Variants in NTN1 observed in about 807,000 individuals in gnomAD.
The protein encoded by NTN1 is netrin 1.
Under a neutral mutation model 54.2 loss-of-function variants are expected in NTN1, and 11 were observed. The ratio of observed to expected loss-of-function variants is 0.20; its 90% CI spans 0.13 to 0.34. The LOEUF (loss-of-function observed/expected upper bound fraction) is 0.34. Among genes scored for constraint, NTN1 ranks in the 10% least tolerant of loss-of-function variants. NTN1 has a pLI of 1.00. For missense variants in NTN1, 740 were observed against 893.1 expected, an observed-to-expected ratio of 0.83 and a Z score of 2.18; for synonymous variants, 371 against 382.0, an observed-to-expected ratio of 0.97 and a Z score of 0.33.
At chr17:9,019,302 C>G (rs2091838388), upstream of NTN1, among the ~76,000 whole-genome samples, 1 of 152,130 alleles carries the variant, frequency 6.6e-6, no homozygotes, top group South Asian at 2.1e-4. Context: ...TCTTTTTATG[C>G]ATACTTTTTA....
intron 5 of NTN1, among the ~76,000 whole-genome samples, chr17:9,220,577 T>C (rs9897341): frequency 0.26 from 39,460 of 151,980 alleles, 6,327 homozygotes; most frequent in African/African-American, 0.45. Context: ...GACGCAGGCC[T>C]AGCAGCCCTG....
At chr17:9,227,588 A>T (rs1479214128) in intron 6 of NTN1, among the ~76,000 whole-genome samples, 1 of 127,610 alleles carries the variant, frequency 7.8e-6, no homozygotes, top group Non-Finnish European at 1.6e-5. Flanking sequence ...TCACACACGC[A>T]TGCATACACA....
intron 6 of NTN1, among the ~76,000 whole-genome samples, chr17:9,226,161 T>TA (rs148213778): frequency 8.5e-6 from 1 of 118,080 alleles, no homozygotes; most frequent in African/African-American, 3.1e-5. Flanking sequence ...GGATTTGGGG[T>TA]CGGGGGGGGG....
chr17:9,202,765 G>C (rs1904837207), intron 5 of NTN1, among the ~76,000 whole-genome samples: 1 of 152,116 alleles, frequency 6.6e-6, no homozygotes. Context: ...TTACTTTTCA[G>C]GATGATTCAG....
At chr17:9,035,417 G>C (rs1316323938) in intron 2 of NTN1, among the ~76,000 whole-genome samples, 1 of 152,086 alleles carries the variant, frequency 6.6e-6, no homozygotes, top group Non-Finnish European at 1.5e-5. Context: ...CTCCACTTAC[G>C]GCAGGCATTT....
At chr17:9,205,622 CAG>C (rs576330715) in intron 5 of NTN1, among the ~76,000 whole-genome samples, 11 of 150,246 alleles carry the variant, frequency 7.3e-5, no homozygotes, top group Non-Finnish European at 5.9e-5. Context: ...GACCCTGTCT[CAG>C]AGAGAGAGAG....
chr17:9,099,361 C>T (rs1186460767), intron 2 of NTN1, among the ~76,000 whole-genome samples: 1 of 152,126 alleles, frequency 6.6e-6, no homozygotes, highest in Non-Finnish European at 1.5e-5. Context: ...GCCGAGTTTG[C>T]GCCATTGCAC....
intron 3 of NTN1, among the ~76,000 whole-genome samples, chr17:9,169,797 A>G (rs764303272): frequency 6.6e-5 from 10 of 152,232 alleles, no homozygotes; most frequent in Middle Eastern, 3.2e-3. Flanking sequence ...CCTGGGAGGC[A>G]GAGGTTACAG....
chr17:9,077,577 G>A (rs889090763), intron 2 of NTN1, among the ~76,000 whole-genome samples: 9 of 152,142 alleles, frequency 5.9e-5, no homozygotes, highest in Non-Finnish European at 1.0e-4. Flanking sequence ...AAGGCAAAGA[G>A]GACATGCTTT....
chr17:9,061,869 A>C (rs775633135), intron 2 of NTN1, among the ~76,000 whole-genome samples: 3 of 151,944 alleles, frequency 2.0e-5, no homozygotes, highest in Non-Finnish European at 2.9e-5. Flanking sequence ...ACGCTGAGCT[A>C]ATTTTTTGTA....
At chr17:9,134,736 T>C (rs1455154282) in intron 2 of NTN1, among the ~76,000 whole-genome samples, 1 of 152,144 alleles carries the variant, frequency 6.6e-6, no homozygotes, top group Non-Finnish European at 1.5e-5. Context: ...AGGTGCGAAG[T>C]GAACATGCAG....
At chr17:9,059,942 G>C (rs2091991129) in intron 2 of NTN1, among the ~76,000 whole-genome samples, 1 of 152,146 alleles carries the variant, frequency 6.6e-6, no homozygotes, top group Admixed American at 6.5e-5. Context: ...GGGGCCCAGG[G>C]AGGGGAGGGT....
chr17:9,071,415 C>A (rs1276645526), intron 2 of NTN1, among the ~76,000 whole-genome samples: 2 of 152,084 alleles, frequency 1.3e-5, no homozygotes, highest in Admixed American at 1.3e-4. Flanking sequence ...AGTAATTAGA[C>A]TCTGTAATCC....
intron 2 of NTN1, among the ~76,000 whole-genome samples, chr17:9,156,656 C>T (rs1368571903): frequency 1.3e-5 from 2 of 152,202 alleles, no homozygotes; most frequent in African/African-American, 2.4e-5. Context: ...AAGGGCACTA[C>T]TTAGAGTTCC....
intron 2 of NTN1, among the ~76,000 whole-genome samples, chr17:9,026,396 G>C (rs189168279): frequency 2.0e-5 from 3 of 150,180 alleles, no homozygotes; most frequent in African/African-American, 4.9e-5. Flanking sequence ...TCTTCCGGGG[G>C]GGGGGAACAA....
At chr17:9,233,229 G>C (rs947028697) in intron 6 of NTN1, among the ~76,000 whole-genome samples, 1 of 152,054 alleles carries the variant, frequency 6.6e-6, no homozygotes, top group African/African-American at 2.4e-5. Flanking sequence ...CCTTGCCAGG[G>C]AAAGGAGAAG....
intron 2 of NTN1, among the ~76,000 whole-genome samples, chr17:9,118,910 A>G (rs547441627): frequency 6.6e-6 from 1 of 152,256 alleles, no homozygotes; most frequent in South Asian, 2.1e-4. Flanking sequence ...GATAAGGGAC[A>G]TTTTAGTTGT....
chr17:9,172,589 A>G (rs2092390040), intron 3 of NTN1, among the ~76,000 whole-genome samples: 1 of 152,246 alleles, frequency 6.6e-6, no homozygotes, highest in Non-Finnish European at 1.5e-5. Context: ...GACTCTCAAA[A>G]TTCAACAACA....
chr17:9,036,378 CTTATCTTTTT>C (rs1401341613), intron 2 of NTN1, among the ~76,000 whole-genome samples: 3 of 127,704 alleles, frequency 2.3e-5, no homozygotes, highest in Non-Finnish European at 4.7e-5. Flanking sequence ...CAAGTCGTCT[CTTATCTTTTT>C]TTTTTTTTTT....
Sources: allele counts gnomAD v4.1 joint callset (sites outside exome capture counted in the v4.1 genomes callset), GRCh38; gene constraint gnomAD v4.1.1; transcripts MANE v1.5; gene names NCBI Gene and HGNC (gene_info 2026-07-23, HGNC 2026-07-21).